The following RPRD2 variants were observed in gnomAD, a reference collection of about 807,000 sequenced individuals.
RPRD2 encodes the protein regulation of nuclear pre-mRNA domain-containing protein 2.
Under a neutral mutation model 104.4 loss-of-function variants are expected in RPRD2, and 12 were observed. The ratio of observed to expected loss-of-function variants is 0.11; its 90% CI spans 0.07 to 0.19. RPRD2 has a LOEUF of 0.19. Among genes scored for constraint, RPRD2 ranks in the 10% least tolerant of loss-of-function variants. RPRD2 has a pLI of 1.00. For missense variants in RPRD2, 1,543 were observed against 1,790.1 expected, an observed-to-expected ratio of 0.86 and a Z score of 2.49; for synonymous variants, 714 against 684.9, an observed-to-expected ratio of 1.04 and a Z score of -0.66.
At chr1:150,406,691 G>C (rs1553886574) in intron 1 of RPRD2, among the ~76,000 whole-genome samples, 1 of 152,176 alleles carries the variant, frequency 6.6e-6, no homozygotes, top group Non-Finnish European at 1.5e-5. Flanking sequence ...GCGCCACCAC[G>C]CCCTGCCAAG....
intron 1 of RPRD2, among the ~76,000 whole-genome samples, chr1:150,372,327 A>C (rs1313035319): frequency 2.0e-5 from 3 of 152,174 alleles, no homozygotes; most frequent in African/African-American, 7.2e-5. Context: ...TTTTGCCTTC[A>C]CAGAGCTTAA....
chr1:150,378,525 T>C (rs16836576), intron 1 of RPRD2, among the ~76,000 whole-genome samples: 7,212 of 152,132 alleles, frequency 0.047, 436 homozygotes, highest in African/African-American at 0.13. Context: ...GGATAAAAGT[T>C]CCCAAACAGC....
chr1:150,443,201 T>C (rs1184512559), intron 4 of RPRD2, 30 bp from the exon 5 acceptor site: 1 of 1,549,218 alleles, frequency 6.5e-7, no homozygotes, highest in African/African-American at 1.4e-5. Context: ...GTGTCTGTAT[T>C]CTTAATGACC....
At position 150,460,222 on chromosome 1, in the gene RPRD2, C is replaced by T. The variant is rs587638075; in HGVS notation, c.1316C>T (p.Pro439Leu). The change falls in exon 9 of 11, where the codon CCT (proline) becomes CTT (leucine). Residue 439 changes from proline (P) to leucine (L), a missense_variant. Transcript: ENST00000369068. ...LPKPVNTSLS[P>L]SPALALPNLA... ...AAGCCTGTGAATACTTCTCTTTCCC[C>T]TTCCCCAGCATTGGCTTTGCCAAAC... 5 of 1,613,876 alleles carry T rather than the reference C, an allele frequency of 3.1e-6. No homozygotes were observed. The highest frequency in any genetic ancestry group is 2.2e-5 in the East Asian group (1 of 44,886).
intron 1 of RPRD2, among the ~76,000 whole-genome samples, chr1:150,409,575 A>G (rs1427871028): frequency 6.6e-6 from 1 of 152,026 alleles, no homozygotes; most frequent in Non-Finnish European, 1.5e-5. Context: ...AGTATATTGG[A>G]AAATTATGTG....
chr1:150,404,961 T>TTA (rs1260995396), intron 1 of RPRD2, among the ~76,000 whole-genome samples: 1 of 152,226 alleles, frequency 6.6e-6, no homozygotes, highest in Non-Finnish European at 1.5e-5. Flanking sequence ...TTCTTACCTA[T>TTA]TATAGCATGT....
At chr1:150,443,369 CT>C (rs1666534681) in intron 5 of RPRD2, 86 bp downstream of exon 5, 1 of 982,138 alleles carries the variant, frequency 1.0e-6, no homozygotes, top group East Asian at 2.7e-5. Flanking sequence ...TAAGATTTAT[CT>C]GTATTCAATT....
At chr1:150,470,477 T>G in intron 10 of RPRD2, 84 bp from the exon 11 acceptor site, 19 of 1,377,550 alleles carry the variant, frequency 1.4e-5, no homozygotes, top group Non-Finnish European at 1.8e-5. Flanking sequence ...CCAAAATGAA[T>G]GAGAGTATCT....
intron 10 of RPRD2, among the ~76,000 whole-genome samples, chr1:150,466,927 G>C (rs1553900145): frequency 1.3e-5 from 2 of 152,174 alleles, no homozygotes; most frequent in Non-Finnish European, 2.9e-5. Flanking sequence ...CTCCAGGGAG[G>C]ACACTTGGCA....
At chr1:150,408,158 A>ATTTTTTTTTT (rs10684924) in intron 1 of RPRD2, among the ~76,000 whole-genome samples, 15 of 95,092 alleles carry the variant, frequency 1.6e-4, no homozygotes, top group African/African-American at 4.2e-4. Flanking sequence ...TATTCATATG[A>ATTTTTTTTTT]TTTTTTTTTT....
chr1:150,466,816 C>G (rs1443114557), intron 10 of RPRD2, among the ~76,000 whole-genome samples: 1 of 152,012 alleles, frequency 6.6e-6, no homozygotes, highest in Non-Finnish European at 1.5e-5. Context: ...CAATGAAATC[C>G]TTTTTAAGTA....
chr1:150,464,649 T>C lies in RPRD2; in HGVS notation c.1534T>C (p.Ser512Pro), dbSNP rs1383054525. 1.6e-5 allele frequency: 26 copies of C among 1,612,584 alleles called. No homozygotes were observed. The highest frequency in any genetic ancestry group is 2.7e-5 in the African/African-American group (2 of 74,740). The change falls in exon 10 of 11, where the codon TCC becomes CCC. Residue 512 changes from serine to proline, a missense_variant. Transcript: ENST00000369068. ...TCACAACCCTCTGGCAAATATCCTC[T>C]CCAAGGTGGAGATCACCCCAGAGAG... ...TSHNPLANILSKVEITPESIL... is the reference protein window; with the variant it reads ...TSHNPLANILPKVEITPESIL...
At chr1:150,376,340 T>A (rs1450497598) in intron 1 of RPRD2, among the ~76,000 whole-genome samples, 1 of 152,216 alleles carries the variant, frequency 6.6e-6, no homozygotes, top group Non-Finnish European at 1.5e-5. Context: ...TGATTCTTTA[T>A]TACCCTTTAG....
At chr1:150,447,233 G>C (rs782756467) in intron 7 of RPRD2, among the ~76,000 whole-genome samples, 1 of 151,922 alleles carries the variant, frequency 6.6e-6, no homozygotes, top group African/African-American at 2.4e-5. Flanking sequence ...TGGGATTGCA[G>C]GTGTGAGCCA....
Position 150,475,710 on chromosome 1 carries a change from CAG to C in RPRD2, c.*2377_*2378del, listed in dbSNP as rs1211439755. On this transcript the variant is annotated 3_prime_UTR_variant, in exon 11 of 11. Coordinates refer to ENST00000369068, the MANE Select transcript of RPRD2 (RefSeq NM_015203.5). The stretch of plus-strand genomic sequence containing the variant: ...CATTTACATCAGTAAATGAAGATGA[CAG>C]TGTGTATATATGTGATAAATAGTGA... 1.3e-5 allele frequency: 2 copies of C among 152,368 alleles called. No homozygotes were observed. Among genetic ancestry groups the C allele is most frequent in the Non-Finnish European group, 2.9e-5 (2 of 68,010 alleles). The allele number at this position is 152,368 out of a possible 1,614,324, so 9.4% of individuals were successfully genotyped here.
At chr1:150,408,080 TTTA>T (rs143676844) in intron 1 of RPRD2, among the ~76,000 whole-genome samples, 12,272 of 151,680 alleles carry the variant, frequency 0.081, 658 homozygotes, top group Non-Finnish European at 0.12. Flanking sequence ...GGCCTATGCT[TTTA>T]TTTTTTATAT....
intron 2 of RPRD2, among the ~76,000 whole-genome samples, chr1:150,436,183 T>C (rs1448591527): frequency 6.6e-6 from 1 of 151,762 alleles, no homozygotes; most frequent in Non-Finnish European, 1.5e-5. Context: ...TCATTGACAA[T>C]GCACCCAGTC....
chr1:150,432,907 AT>A, intron 2 of RPRD2, among the ~76,000 whole-genome samples: 1 of 152,006 alleles, frequency 6.6e-6, no homozygotes, highest in Non-Finnish European at 1.5e-5. Flanking sequence ...AGCCTGGGAG[AT>A]TAAGGCTGCA....
intron 1 of RPRD2, among the ~76,000 whole-genome samples, chr1:150,404,833 C>A (rs1663341544): frequency 6.6e-6 from 1 of 152,178 alleles, no homozygotes; most frequent in African/African-American, 2.4e-5. Flanking sequence ...AGAATTCAGT[C>A]TGGTTTTAGA....
Sources: gnomAD v4.1 joint callset for allele counts (sites outside exome capture counted in the v4.1 genomes callset) on GRCh38, gnomAD v4.1.1 for gene constraint, MANE v1.5 for transcripts, NCBI Gene and HGNC (gene_info 2026-07-23, HGNC 2026-07-21) for gene names.